GFRA1: variants seen among roughly 807,000 people sequenced by gnomAD.
GFRA1 encodes GDNF family receptor alpha 1, also known as GDNF family receptor alpha-1.
GFRA1 carries 16 observed loss-of-function variants against 51.6 expected under a neutral mutation model. That is an observed-to-expected ratio of 0.31 (90% CI 0.21 to 0.47). The LOEUF is 0.47. Ranked by LOEUF, GFRA1 falls within the 20% of genes least tolerant of loss-of-function variation. The pLI, the probability that GFRA1 is intolerant of heterozygous loss-of-function variation, is 1.00. For synonymous variants in GFRA1, 270 were observed against 241.3 expected (o/e 1.12, Z -1.10); for missense variants, 530 against 594.3 (o/e 0.89, Z 1.13).
chr10:116,149,784 C>A (rs186338940), intron 5 of GFRA1, among the ~76,000 whole-genome samples: 5 of 152,210 alleles, frequency 3.3e-5, no homozygotes, highest in Admixed American at 3.3e-4. Flanking sequence ...ATTCCTCAGG[C>A]TGGGTAGGAT....
At chr10:116,221,966 A>C (rs1164459992) in intron 4 of GFRA1, among the ~76,000 whole-genome samples, 2 of 152,180 alleles carry the variant, frequency 1.3e-5, no homozygotes, top group Non-Finnish European at 2.9e-5. Flanking sequence ...TGGATTAAAA[A>C]ATGAGAATTC....
At chr10:116,169,743 C>T (rs1960845242) in intron 5 of GFRA1, among the ~76,000 whole-genome samples, 1 of 152,214 alleles carries the variant, frequency 6.6e-6, no homozygotes, top group South Asian at 2.1e-4. Context: ...AAAATCTCCA[C>T]ATTCACCATC....
chr10:116,125,088 C>G, intron 6 of GFRA1, 133 bp downstream of exon 6: 3 of 778,972 alleles, frequency 3.9e-6, no homozygotes, highest in Non-Finnish European at 6.6e-6. Flanking sequence ...TTTTGCCAAT[C>G]CATTCAAATG....
intron 4 of GFRA1, among the ~76,000 whole-genome samples, chr10:116,250,717 C>T (rs1439426254): frequency 6.6e-6 from 1 of 152,176 alleles, no homozygotes; most frequent in Non-Finnish European, 1.5e-5. Flanking sequence ...TCATGAGTCC[C>T]ACCACCCAAA....
chr10:116,186,570 T>TAAAAA (rs386372545), intron 5 of GFRA1, among the ~76,000 whole-genome samples: 2 of 129,226 alleles, frequency 1.5e-5, no homozygotes, highest in Non-Finnish European at 1.6e-5. Flanking sequence ...GAAAGGCTCT[T>TAAAAA]AAAAAAAAAA....
At chr10:116,255,828 C>T (rs939569910) in intron 4 of GFRA1, 21 of 1,025,476 alleles carry the variant, frequency 2.0e-5, no homozygotes, top group Non-Finnish European at 2.6e-5. Context: ...CGCAAAAAAC[C>T]TGAGTTACTG....
rs1958870931 is a variant in GFRA1, at chr10:116,147,775, C to A, written c.434-22218G>T. On this transcript the variant is annotated intron_variant, in intron 5 of 10. Coordinates refer to ENST00000355422, the MANE Select transcript of GFRA1 (RefSeq NM_005264.8). Reference sequence around the variant, plus strand: ...GAACTGGAGACAACAGAAGAGGCAGCGACTCTGCAAAAGGTCTCAGGTTAA... The same window carrying A: ...GAACTGGAGACAACAGAAGAGGCAGAGACTCTGCAAAAGGTCTCAGGTTAA... Among the ~76,000 whole-genome samples the A allele has an allele frequency of 2.6e-5, 4 of 152,144 alleles. No homozygotes were observed. In the Middle Eastern group the frequency reaches 0.01, roughly 388 times the overall value.
intron 6 of GFRA1, among the ~76,000 whole-genome samples, chr10:116,124,566 T>G (rs1447248672): frequency 6.6e-6 from 1 of 152,210 alleles, no homozygotes; most frequent in African/African-American, 2.4e-5. Flanking sequence ...AATGTATTCA[T>G]GGACTCCTTC....
intron 6 of GFRA1, 130 bp from the exon 7 acceptor site, chr10:116,096,894 C>T (rs1956614863): frequency 3.2e-6 from 2 of 634,654 alleles, no homozygotes; most frequent in South Asian, 1.7e-5. Flanking sequence ...CACACACACA[C>T]ACACACATAC....
chr10:116,065,650 T>C (rs1955071441), intron 9 of GFRA1, 24 bp from the exon 10 acceptor site: 1 of 1,596,768 alleles, frequency 6.3e-7, no homozygotes. Context: ...AGAAAAAAAA[T>C]GCTCAAACAT....
intron 5 of GFRA1, among the ~76,000 whole-genome samples, chr10:116,166,004 T>A (rs931741557): frequency 6.6e-6 from 1 of 152,224 alleles, no homozygotes; most frequent in African/African-American, 2.4e-5. Context: ...TGTGTTTATG[T>A]GTTCTTTTCA....
intron 4 of GFRA1, chr10:116,255,621 T>C: frequency 2.3e-6 from 3 of 1,280,776 alleles, no homozygotes; most frequent in Non-Finnish European, 3.1e-6. Context: ...TTTCCACTGA[T>C]GTGTTAGCTC....
At chr10:116,098,674 G>A (rs976702644) in intron 6 of GFRA1, among the ~76,000 whole-genome samples, 2 of 152,108 alleles carry the variant, frequency 1.3e-5, no homozygotes, top group African/African-American at 2.4e-5. Flanking sequence ...ACAAAAGGTC[G>A]CTCCCTCTCC....
chr10:116,260,493 C>T (rs1212063522), intron 4 of GFRA1, among the ~76,000 whole-genome samples: 1 of 152,160 alleles, frequency 6.6e-6, no homozygotes, highest in Non-Finnish European at 1.5e-5. Context: ...TTTTGAAAAT[C>T]CTCCTGTGGC....
intron 10 of GFRA1, among the ~76,000 whole-genome samples, chr10:116,065,151 G>A (rs559818327): frequency 9.9e-5 from 15 of 152,102 alleles, no homozygotes; most frequent in Admixed American, 8.5e-4. Context: ...CAGAATTTTC[G>A]GTCTCCTCAC....
At chr10:116,095,715 A>G (rs886192850) in intron 7 of GFRA1, among the ~76,000 whole-genome samples, 1 of 152,206 alleles carries the variant, frequency 6.6e-6, no homozygotes, top group Non-Finnish European at 1.5e-5. Context: ...CTCTGGTGAC[A>G]AAGAATGTAG....
rs570609327 is a variant in GFRA1 at position 116,270,221 on chromosome 10, T to C, written c.334+601A>G. Among the ~76,000 whole-genome samples, 4 of 152,292 alleles carry C rather than the reference T, an allele frequency of 2.6e-5. No individual in the cohort carries two copies. The South Asian group carries it at 8.3e-4, about 32-fold the overall frequency. On this transcript the variant is annotated intron_variant, in intron 3 of 10. Transcript: ENST00000355422. ...GATGGTTGTGACCAGTGGATCTTTC[T>C]CTCCCTGAGCTACTTCTGTGATAAC...
intron 5 of GFRA1, among the ~76,000 whole-genome samples, chr10:116,137,168 T>C (rs1349857333): frequency 6.6e-6 from 1 of 152,176 alleles, no homozygotes; most frequent in East Asian, 1.9e-4. Context: ...GAATGTCACT[T>C]CTACTACACA....
Position 116,092,539 on chromosome 10 carries a change from G to C in GFRA1, c.1015+1163C>G, listed in dbSNP as rs577251366. Among the ~76,000 whole-genome samples, 4 of 152,140 alleles carry C rather than the reference G, an allele frequency of 2.6e-5. No homozygotes were observed. The South Asian group carries it at 6.2e-4, about 24-fold the overall frequency. ...GAGCCTTGATTCCCAGAAACTTAGT[G>C]CACCCCTCCCACCAGGAAGTCAGAC... On this transcript the variant is annotated intron_variant, in intron 8 of 10. Coordinates refer to ENST00000355422, the MANE Select transcript of GFRA1 (RefSeq NM_005264.8).
Sources: allele counts gnomAD v4.1 joint callset (sites outside exome capture counted in the v4.1 genomes callset), GRCh38; gene constraint gnomAD v4.1.1; transcripts MANE v1.5; gene names NCBI Gene and HGNC (gene_info 2026-07-23, HGNC 2026-07-21).